Variants in KCNG2 observed in about 807,000 individuals in gnomAD.
KCNG2 encodes the protein potassium voltage-gated channel modifier subfamily G member 2, also known as voltage-gated potassium channel regulatory subunit KCNG2.
KCNG2 carries 7 observed loss-of-function variants against 12.3 expected under a neutral mutation model. That is an observed-to-expected ratio of 0.57 (90% CI 0.32 to 1.07). The LOEUF (loss-of-function observed/expected upper bound fraction) is 1.07. Ranked by LOEUF, KCNG2 falls within the 50% of genes least tolerant of loss-of-function variation. The pLI is 0.04. For synonymous variants in KCNG2, 414 were observed against 351.4 expected (o/e 1.18, Z -1.99); for missense variants, 703 against 726.0 (o/e 0.97, Z 0.36).
intron 1 of KCNG2, among the ~76,000 whole-genome samples, chr18:79,798,932 C>G (rs931516042): frequency 1.3e-5 from 2 of 152,170 alleles, no homozygotes; most frequent in African/African-American, 4.8e-5. Context: ...AGCCCCCGCC[C>G]GCGCGCCTGG....
intron 1 of KCNG2, among the ~76,000 whole-genome samples, chr18:79,847,753 C>T (rs1210238014): frequency 6.6e-6 from 1 of 152,172 alleles, no homozygotes; most frequent in African/African-American, 2.4e-5. Context: ...CATGTAGAAC[C>T]GCACTTGCTC....
At chr18:79,860,072 G>T (rs1979157377) in intron 2 of KCNG2, among the ~76,000 whole-genome samples, 1 of 152,192 alleles carries the variant, frequency 6.6e-6, no homozygotes, top group Non-Finnish European at 1.5e-5. Context: ...GAAAGCAAAG[G>T]GGGAGCAGGC....
At chr18:79,891,986 A>G (rs1415181087) in intron 3 of KCNG2, among the ~76,000 whole-genome samples, 2 of 152,098 alleles carry the variant, frequency 1.3e-5, no homozygotes, top group African/African-American at 4.8e-5. Flanking sequence ...ACAGTGGTGC[A>G]AGCCTGTAGT....
intron 3 of KCNG2, among the ~76,000 whole-genome samples, chr18:79,870,926 G>A (rs976552003): frequency 3.9e-5 from 6 of 152,216 alleles, no homozygotes; most frequent in Non-Finnish European, 8.8e-5. Flanking sequence ...ATGAAAGGGT[G>A]TGGCTGATTG....
intron 3 of KCNG2, among the ~76,000 whole-genome samples, chr18:79,880,316 C>CAAAAAAAAAAAAAA (rs59558361): frequency 9.9e-6 from 1 of 101,416 alleles, no homozygotes; most frequent in Non-Finnish European, 1.9e-5. Flanking sequence ...GACTCTGTCT[C>CAAAAAAAAAAAAAA]AAAAAAAAAA....
At chr18:79,838,244 G>A (rs1978359962) in intron 1 of KCNG2, among the ~76,000 whole-genome samples, 1 of 152,190 alleles carries the variant, frequency 6.6e-6, no homozygotes, top group East Asian at 1.9e-4. Context: ...CATATCAAAA[G>A]TATACCATAA....
At chr18:79,846,465 T>C (rs975319264) in intron 1 of KCNG2, among the ~76,000 whole-genome samples, 1 of 136,278 alleles carries the variant, frequency 7.3e-6, no homozygotes, top group Non-Finnish European at 1.7e-5. Context: ...TAGTTGAGAC[T>C]CACATGTGAA....
intron 3 of KCNG2, among the ~76,000 whole-genome samples, chr18:79,880,504 TG>T (rs1181571887): frequency 2.6e-5 from 4 of 152,142 alleles, no homozygotes; most frequent in Non-Finnish European, 5.9e-5. Flanking sequence ...GTAGTTTCAC[TG>T]GTGAATCTAA....
chr18:79,895,808 T>G (rs538466880), intron 3 of KCNG2, among the ~76,000 whole-genome samples: 71 of 151,996 alleles, frequency 4.7e-4, no homozygotes, highest in African/African-American at 1.7e-3. Context: ...TCACATCTAC[T>G]GTTTTGATTG....
chr18:79,887,605 C>G (rs1257289622), intron 3 of KCNG2, among the ~76,000 whole-genome samples: 1 of 152,208 alleles, frequency 6.6e-6, no homozygotes, highest in Non-Finnish European at 1.5e-5. Context: ...CCGCATCCAG[C>G]TTCCCAGGGG....
chr18:79,845,097 G>T (rs1057081198), intron 1 of KCNG2, among the ~76,000 whole-genome samples: 21 of 152,216 alleles, frequency 1.4e-4, no homozygotes, highest in African/African-American at 4.8e-4. Context: ...AAAAAGGGAT[G>T]AACTCCTGAT....
intron 3 of KCNG2, among the ~76,000 whole-genome samples, chr18:79,881,902 C>CG (rs1980310019): frequency 6.6e-6 from 1 of 152,030 alleles, no homozygotes; most frequent in Admixed American, 6.5e-5. Flanking sequence ...GGAATAGAAC[C>CG]ACATGAATGG....
At position 79,803,558 on chromosome 18, in the gene KCNG2, G is replaced by T. The variant is rs2087427116; in HGVS notation, c.-115+5544G>T. On this transcript the variant is annotated intron_variant, in intron 1 of 3. Transcript: ENST00000316249. The surrounding 1 kb of genome is among the most constrained non-coding windows in gnomAD (Gnocchi z 4.5). The stretch of plus-strand genomic sequence containing the variant: ...GGTGTGCAGTGCTGGGGACCGACGA[G>T]GGGGCCTGTGATTCTGGGGGCTCCG... 6.6e-6 allele frequency among the ~76,000 whole-genome samples: 1 copy of T among 152,210 alleles called. No individual in the cohort carries two copies. The highest frequency in any genetic ancestry group is 2.1e-4 in the South Asian group (1 of 4,836).
At chr18:79,811,068 T>G (rs1373521834) in intron 1 of KCNG2, among the ~76,000 whole-genome samples, 1 of 152,206 alleles carries the variant, frequency 6.6e-6, no homozygotes, top group Non-Finnish European at 1.5e-5. Context: ...AGAACATTGC[T>G]GAAAGAAATT....
intron 3 of KCNG2, among the ~76,000 whole-genome samples, chr18:79,892,714 G>T (rs748518317): frequency 6.9e-6 from 1 of 144,232 alleles, no homozygotes; most frequent in African/African-American, 2.6e-5. Flanking sequence ...CATTGATAAC[G>T]ATTTGATATA....
intron 1 of KCNG2, among the ~76,000 whole-genome samples, chr18:79,802,728 G>GT: frequency 7.3e-6 from 1 of 136,614 alleles, no homozygotes; most frequent in South Asian, 2.7e-4. Flanking sequence ...AGAGTTCCTG[G>GT]CTTTTTTTTT....
At chr18:79,858,869 C>T (rs11662211) in intron 2 of KCNG2, among the ~76,000 whole-genome samples, 69,595 of 152,030 alleles carry the variant, frequency 0.46, 16,499 homozygotes, top group South Asian at 0.58. Flanking sequence ...TCACATACTT[C>T]CTCGGGAGAA....
At chr18:79,877,409 G>A (rs1431663717) in intron 3 of KCNG2, among the ~76,000 whole-genome samples, 1 of 152,112 alleles carries the variant, frequency 6.6e-6, no homozygotes, top group African/African-American at 2.4e-5. Flanking sequence ...AGATACACAG[G>A]CAGCAGCCAA....
At chr18:79,848,700 C>T (rs1264781902) in intron 1 of KCNG2, among the ~76,000 whole-genome samples, 2 of 152,168 alleles carry the variant, frequency 1.3e-5, no homozygotes, top group African/African-American at 4.8e-5. Context: ...GGGACGGTGG[C>T]CCACGGGCTG....
Sources: allele counts gnomAD v4.1 joint callset (sites outside exome capture counted in the v4.1 genomes callset), GRCh38; gene constraint gnomAD v4.1.1; non-coding constraint Gnocchi (gnomAD v3.1); transcripts MANE v1.5; gene names NCBI Gene and HGNC (gene_info 2026-07-23, HGNC 2026-07-21).